The following MACROD2 variants were observed in gnomAD, a reference collection of about 807,000 sequenced individuals.
The protein encoded by MACROD2 is ADP-ribose glycohydrolase MACROD2.
A neutral mutation model predicts 70.4 loss-of-function variants in MACROD2; 36 were observed. The ratio of observed to expected loss-of-function variants is 0.51; its 90% CI spans 0.39 to 0.68. The LOEUF (loss-of-function observed/expected upper bound fraction) is 0.68. Among genes scored for constraint, MACROD2 ranks in the 30% least tolerant of loss-of-function variants. MACROD2 has a pLI of 0.00. For synonymous variants in MACROD2, 172 were observed against 178.8 expected, an observed-to-expected ratio of 0.96 and a Z score of 0.30; for missense variants, 496 against 538.4, an observed-to-expected ratio of 0.92 and a Z score of 0.78.
At chr20:14,316,636 C>G (rs1236948491) in intron 3 of MACROD2, among the ~76,000 whole-genome samples, 1 of 152,132 alleles carries the variant, frequency 6.6e-6, no homozygotes, top group Non-Finnish European at 1.5e-5. Context: ...CAAGACAATT[C>G]TCCTTCTTCC....
intron 8 of MACROD2, among the ~76,000 whole-genome samples, chr20:15,647,346 T>C (rs6034244): frequency 0.016 from 2,506 of 152,258 alleles, 62 homozygotes; most frequent in African/African-American, 0.058. Flanking sequence ...GAAACAAAGA[T>C]GGTATGTATG....
chr20:14,135,506 A>ATTTT (rs955645417), intron 3 of MACROD2, among the ~76,000 whole-genome samples: 4 of 148,520 alleles, frequency 2.7e-5, no homozygotes, highest in Admixed American at 6.7e-5. Flanking sequence ...TGTCTCTACA[A>ATTTT]TTTTTTTTTT....
intron 4 of MACROD2, among the ~76,000 whole-genome samples, chr20:14,526,712 G>C (rs2093852196): frequency 6.6e-6 from 1 of 152,172 alleles, no homozygotes; most frequent in Admixed American, 6.5e-5. Flanking sequence ...TGGGGGTGTG[G>C]CTCACTTCTT....
intron 6 of MACROD2, among the ~76,000 whole-genome samples, chr20:15,313,492 G>A (rs1398657913): frequency 8.0e-5 from 11 of 136,842 alleles, no homozygotes; most frequent in African/African-American, 1.4e-4. Context: ...GGGCGACAGA[G>A]CGAGACTCCG....
At chr20:15,535,639 G>A (rs1171364252) in intron 8 of MACROD2, among the ~76,000 whole-genome samples, 1 of 152,190 alleles carries the variant, frequency 6.6e-6, no homozygotes, top group African/African-American at 2.4e-5. Flanking sequence ...AAGAGAGTGA[G>A]CCACAATGGA....
chr20:14,417,610 C>T (rs940801811), intron 3 of MACROD2, among the ~76,000 whole-genome samples: 2 of 152,122 alleles, frequency 1.3e-5, no homozygotes, highest in East Asian at 1.9e-4. Context: ...TCAATAAGAA[C>T]AAAATTATCT....
intron 8 of MACROD2, among the ~76,000 whole-genome samples, chr20:15,813,402 A>G (rs935769446): frequency 6.6e-6 from 1 of 152,224 alleles, no homozygotes; most frequent in Non-Finnish European, 1.5e-5. Flanking sequence ...CTTTTGAGCT[A>G]GGGAAGCAGG....
At position 14,833,514 on chromosome 20, in the gene MACROD2, T is replaced by C. The variant is rs189970513; in HGVS notation, c.418+148555T>C. 2.0e-3 allele frequency among the ~76,000 whole-genome samples: 299 copies of C among 152,246 alleles called. 2 individuals carry two copies. Among genetic ancestry groups the C allele is most frequent in the African/African-American group, 6.6e-3 (273 of 41,556 alleles). On this transcript the variant is annotated intron_variant, in intron 5 of 17. Transcript: ENST00000684519. ...ATATTCATATCTGTTTTTACGATTC[T>C]GAAGTATCAAAGTTCACATCATAAG...
intron 7 of MACROD2, among the ~76,000 whole-genome samples, chr20:15,439,785 CA>C (rs2046472665): frequency 1.3e-5 from 2 of 152,152 alleles, no homozygotes; most frequent in South Asian, 4.1e-4. Flanking sequence ...CACAGGGCAC[CA>C]GACCACCTGC....
intron 3 of MACROD2, among the ~76,000 whole-genome samples, chr20:14,400,875 A>G (rs2083630322): frequency 1.3e-5 from 2 of 152,184 alleles, no homozygotes; most frequent in African/African-American, 2.4e-5. Flanking sequence ...ACTGTGAGTC[A>G]TAATGATCTA....
chr20:14,207,796 G>C (rs930891161), intron 3 of MACROD2, among the ~76,000 whole-genome samples: 1 of 152,164 alleles, frequency 6.6e-6, no homozygotes, highest in Non-Finnish European at 1.5e-5. Flanking sequence ...AGAGATAGCC[G>C]TGGGTCATAC....
intron 4 of MACROD2, among the ~76,000 whole-genome samples, chr20:14,681,094 T>C (rs1427891032): frequency 1.3e-5 from 2 of 152,124 alleles, no homozygotes; most frequent in African/African-American, 2.4e-5. Context: ...TCCTTTATAG[T>C]CATTAGAATT....
At chr20:15,718,658 AG>A (rs1478710409) in intron 8 of MACROD2, among the ~76,000 whole-genome samples, 3 of 152,218 alleles carry the variant, frequency 2.0e-5, no homozygotes, top group African/African-American at 4.8e-5. Context: ...GGGAAGAGGT[AG>A]GAAGTACTGT....
rs578224449 is a variant in MACROD2, at chr20:15,991,849, G to A, written c.1153+4691G>A. Among the ~76,000 whole-genome samples, 20 of 152,094 alleles carry A rather than the reference G, an allele frequency of 1.3e-4. 1 individual carries two copies. The South Asian group carries it at 3.5e-3, about 27-fold the overall frequency. ...GGATATCAGTTAAATTAAAAATGCT[G>A]GTCTCTGTTTGGGTTTTATGAATAT... On this transcript the variant is annotated intron_variant, in intron 15 of 17. Coordinates refer to ENST00000684519, the MANE Select transcript of MACROD2 (RefSeq NM_001351661.2).
intron 5 of MACROD2, among the ~76,000 whole-genome samples, chr20:14,710,105 G>A (rs577039107): frequency 3.9e-5 from 6 of 152,078 alleles, no homozygotes; most frequent in African/African-American, 7.2e-5. Context: ...GGACAGCAGC[G>A]GTCAGAAGAT....
intron 5 of MACROD2, among the ~76,000 whole-genome samples, chr20:15,045,463 A>G (rs898540131): frequency 9.2e-5 from 14 of 152,168 alleles, no homozygotes; most frequent in African/African-American, 3.4e-4. Context: ...GAGTGCTTGC[A>G]GGCATGTCTC....
intron 5 of MACROD2, among the ~76,000 whole-genome samples, chr20:14,998,289 A>C (rs1359436563): frequency 6.6e-6 from 1 of 152,212 alleles, no homozygotes; most frequent in Admixed American, 6.5e-5. Context: ...ACCAGTGACC[A>C]ATACTGGAGT....
At chr20:14,537,828 C>G (rs555511775) in intron 4 of MACROD2, among the ~76,000 whole-genome samples, 16 of 152,148 alleles carry the variant, frequency 1.1e-4, no homozygotes, top group Non-Finnish European at 2.1e-4. Flanking sequence ...GTAGACAATT[C>G]TCATACTTTG....
intron 3 of MACROD2, among the ~76,000 whole-genome samples, chr20:14,417,918 G>A (rs910535382): frequency 6.6e-6 from 1 of 152,178 alleles, no homozygotes; most frequent in Admixed American, 6.5e-5. Context: ...AGATATGATG[G>A]ATTTTAGAAA....
Sources: gnomAD v4.1 joint callset for allele counts (sites outside exome capture counted in the v4.1 genomes callset) on GRCh38, gnomAD v4.1.1 for gene constraint, MANE v1.5 for transcripts, NCBI Gene and HGNC (gene_info 2026-07-23, HGNC 2026-07-21) for gene names.